SPICE1: variants seen among roughly 807,000 people sequenced by gnomAD.
The protein encoded by SPICE1 is spindle and centriole associated protein 1.
A neutral mutation model predicts 102.7 loss-of-function variants in SPICE1; 75 were observed. The ratio of observed to expected loss-of-function variants is 0.73; its 90% CI spans 0.61 to 0.88. The LOEUF (loss-of-function observed/expected upper bound fraction) is 0.88, where lower values mean the gene tolerates loss of function less well. Ranked by LOEUF, SPICE1 falls within the 40% of genes least tolerant of loss-of-function variation. The probability of loss-of-function intolerance (pLI) is 0.00; values close to 1 mark genes in which losing one functional copy is unlikely to be tolerated. For synonymous variants in SPICE1, 308 were observed against 350.3 expected (o/e 0.88, Z 1.35); for missense variants, 979 against 1,020.1 (o/e 0.96, Z 0.55).
intron 7 of SPICE1, 127 bp from the exon 8 acceptor site, chr3:113,469,365 T>C (rs991959760): frequency 6.6e-5 from 14 of 212,938 alleles, no homozygotes; most frequent in Non-Finnish European, 9.7e-5. Context: ...AATTTATATT[T>C]ATATAATTAT....
chr3:113,506,385 C>A (rs917629931), intron 2 of SPICE1, 122 bp downstream of exon 2: 16 of 747,138 alleles, frequency 2.1e-5, no homozygotes, highest in Non-Finnish European at 2.0e-5. Context: ...GCCCAGAAAC[C>A]TATTCCACCC....
At chr3:113,484,963 G>T (rs1191096585) in intron 7 of SPICE1, among the ~76,000 whole-genome samples, 4 of 152,012 alleles carry the variant, frequency 2.6e-5, no homozygotes, top group Non-Finnish European at 5.9e-5. Context: ...TGACCATAAA[G>T]TGTTAAAGTC....
In SPICE1 at chr3:113,494,078, G is replaced by A. The variant is rs776082947; in HGVS notation, c.356C>T (p.Ala119Val). 2 of 1,612,084 alleles carry A rather than the reference G, an allele frequency of 1.2e-6. No homozygotes were observed. The highest frequency in any genetic ancestry group is 2.2e-5 in the South Asian group (2 of 90,880). ...GCGCCTACGAGGAAACAGCTCTTTT[G>A]CTGCAGCTATTAGATGATCAGATTT... ...LEKSDHLIAA[A>V]KELFPRRRTG... Residue 119 changes from alanine to valine, a missense_variant, in exon 5 of 18, where the codon GCA becomes GTA. Physicochemically the swap from Ala to Val is moderately conservative, Grantham distance 64. Coordinates refer to ENST00000295872, the MANE Select transcript of SPICE1 (RefSeq NM_144718.4).
intron 7 of SPICE1, among the ~76,000 whole-genome samples, chr3:113,482,674 C>T (rs549484332): frequency 1.3e-5 from 2 of 152,172 alleles, no homozygotes; most frequent in Admixed American, 1.3e-4. Context: ...GGAATCCTTT[C>T]CCTATTGTTT....
At chr3:113,459,852 A>G (rs1935884485) in intron 12 of SPICE1, 1 of 980,594 alleles carries the variant, frequency 1.0e-6, no homozygotes, top group African/African-American at 1.8e-5. Flanking sequence ...ACTACACTCC[A>G]GCCTGGGTGA....
At chr3:113,454,670 T>C (rs1199681760) in intron 13 of SPICE1, among the ~76,000 whole-genome samples, 1 of 151,716 alleles carries the variant, frequency 6.6e-6, no homozygotes. Context: ...GAGCTGAGAT[T>C]GCACCATTGC....
At chr3:113,476,049 T>C (rs28861153) in intron 7 of SPICE1, among the ~76,000 whole-genome samples, 9,035 of 152,064 alleles carry the variant, frequency 0.059, 342 homozygotes, top group East Asian at 0.1. Context: ...TTGTCTCAGC[T>C]CAAAATCTCC....
intron 12 of SPICE1, among the ~76,000 whole-genome samples, chr3:113,458,286 C>G (rs1935831319): frequency 6.6e-6 from 1 of 152,188 alleles, no homozygotes; most frequent in South Asian, 2.1e-4. Flanking sequence ...TGTACTGCCG[C>G]CATCTCGACT....
At chr3:113,461,344 A>G (rs1935930004) in intron 11 of SPICE1, among the ~76,000 whole-genome samples, 2 of 151,478 alleles carry the variant, frequency 1.3e-5, no homozygotes, top group African/African-American at 4.8e-5. Flanking sequence ...TATATTTTTA[A>G]TATTACATAA....
chr3:113,493,567 T>A (rs1444127187), intron 5 of SPICE1, among the ~76,000 whole-genome samples: 1 of 152,186 alleles, frequency 6.6e-6, no homozygotes, highest in Non-Finnish European at 1.5e-5. Context: ...ATTAAGTAAC[T>A]AGCCCAGAGT....
intron 7 of SPICE1, among the ~76,000 whole-genome samples, chr3:113,487,395 C>CTAA (rs1936673092): frequency 6.6e-6 from 1 of 151,942 alleles, no homozygotes; most frequent in Non-Finnish European, 1.5e-5. Flanking sequence ...AAACTAGATA[C>CTAA]TAATATAGAT....
At chr3:113,498,251 T>C (rs1402753093) in intron 4 of SPICE1, among the ~76,000 whole-genome samples, 1 of 152,064 alleles carries the variant, frequency 6.6e-6, no homozygotes. Context: ...ACCACTATAC[T>C]AGTGCCTGAG....
chr3:113,494,716 T>C (rs1024241673), intron 4 of SPICE1, among the ~76,000 whole-genome samples: 1 of 151,978 alleles, frequency 6.6e-6, no homozygotes, highest in Non-Finnish European at 1.5e-5. Context: ...AAAATAAAAG[T>C]TTTAATTAAA....
chr3:113,456,369 T>G (rs1253327724), intron 13 of SPICE1, among the ~76,000 whole-genome samples: 1 of 151,946 alleles, frequency 6.6e-6, no homozygotes, highest in Non-Finnish European at 1.5e-5. Flanking sequence ...CTGAATAATA[T>G]TTTTCAAAAA....
chr3:113,480,251 T>C (rs1260435684), intron 7 of SPICE1, among the ~76,000 whole-genome samples: 2 of 147,844 alleles, frequency 1.4e-5, no homozygotes, highest in South Asian at 4.2e-4. Context: ...CATGCGCAAA[T>C]AGTTTCAAAG....
intron 1 of SPICE1, among the ~76,000 whole-genome samples, chr3:113,507,761 AT>A (rs1325255124): frequency 1.3e-5 from 2 of 152,184 alleles, no homozygotes; most frequent in African/African-American, 4.8e-5. Context: ...TGTGCTTACT[AT>A]AAGCCAGATG....
Position 113,448,072 on chromosome 3 carries a change from TA to T in SPICE1, c.2391del (p.Ser797ArgfsTer9). 4.3e-6 allele frequency: 7 copies of T among 1,612,332 alleles called. No homozygotes were observed. The highest frequency in any genetic ancestry group is 5.1e-6 in the Non-Finnish European group (6 of 1,179,130). On this transcript the variant is annotated frameshift_variant, in exon 16 of 18. Coordinates refer to ENST00000295872, the MANE Select transcript of SPICE1 (RefSeq NM_144718.4). LOFTEE classifies it high-confidence loss of function. Reference protein sequence around the residue: ...GAEAPESSKCSTVSPVSGINT... With the variant: ...GAEAPESSKCXTVSPVSGINT... ...TTTATCCCGCTGACGGGAGAGACAG[TA>T]CTACATTTTGAGCTTTCTGGGGCTT...
intron 2 of SPICE1, among the ~76,000 whole-genome samples, chr3:113,504,636 A>G (rs2107505969): frequency 6.6e-6 from 1 of 152,098 alleles, no homozygotes; most frequent in African/African-American, 2.4e-5. Flanking sequence ...CTACAGGATC[A>G]TGAGAATTGT....
intron 1 of SPICE1, 63 bp from the exon 2 acceptor site, chr3:113,506,668 TG>T: frequency 7.7e-7 from 1 of 1,305,660 alleles, no homozygotes. Flanking sequence ...ATCACCAGAG[TG>T]GGGGAAGACA....
Sources: allele counts gnomAD v4.1 joint callset (sites outside exome capture counted in the v4.1 genomes callset), GRCh38; gene constraint gnomAD v4.1.1; transcripts MANE v1.5; gene names NCBI Gene and HGNC (gene_info 2026-07-23, HGNC 2026-07-21).